The following NOTCH2NLC variants were observed in gnomAD, a reference collection of about 807,000 sequenced individuals.
NOTCH2NLC encodes the protein notch homolog 2 N-terminal-like protein C.
In NOTCH2NLC, 4 loss-of-function variants were observed where a neutral mutation model predicts 17.7. That is an observed-to-expected ratio of 0.23 (90% CI 0.11 to 0.52). The LOEUF (loss-of-function observed/expected upper bound fraction) is 0.52. Among genes scored for constraint, NOTCH2NLC ranks in the 20% least tolerant of loss-of-function variants. NOTCH2NLC has a pLI of 0.96. For synonymous variants in NOTCH2NLC, 18 were observed against 86.0 expected (o/e 0.21, Z 4.38); for missense variants, 57 against 207.2 (o/e 0.28, Z 4.45).
In NOTCH2NLC at chr1:149,462,997, A is replaced by G. The variant is rs1442228434; in HGVS notation, c.470-494A>G. On this transcript the variant is annotated intron_variant, in intron 3 of 4. Coordinates refer to ENST00000650865, the MANE Select transcript of NOTCH2NLC (RefSeq NM_001364013.2). ...ATTACAGGTGCGCGCCACCATGCCC[A>G]GCTAATTTTTGTATTTTTAGTAGAG... is the stretch of plus-strand genomic sequence containing the variant. Among the ~76,000 whole-genome samples, 1,026 of 146,788 alleles carry G rather than the reference A, an allele frequency of 7.0e-3. 18 individuals are homozygous for G. Among genetic ancestry groups the G allele is most frequent in the Non-Finnish European group, 0.011 (727 of 65,644 alleles).
chr1:149,460,190 G>A (rs1423503401), intron 3 of NOTCH2NLC, among the ~76,000 whole-genome samples: 1 of 144,102 alleles, frequency 6.9e-6, no homozygotes, highest in Admixed American at 6.9e-5. Context: ...GGCAAAGTAG[G>A]GGGGCATATA....
rs1485038079 is a variant in NOTCH2NLC at position 149,471,638 on chromosome 1, G to T, written c.*7485G>T. The stretch of plus-strand genomic sequence containing the variant: ...ACTGCAAGAAGTGGGGAATTGGAGA[G>T]TGACTGCCCATAGGTACAGGCATGC... On this transcript the variant is annotated 3_prime_UTR_variant, in exon 5 of 5. Transcript: ENST00000650865. Among the ~76,000 whole-genome samples, 1 of 149,864 alleles carries T rather than the reference G, an allele frequency of 6.7e-6. No individual in the cohort carries two copies. Among genetic ancestry groups the T allele is most frequent in the Non-Finnish European group, 1.5e-5 (1 of 67,254 alleles).
chr1:149,425,283 G>A (rs1450465001), intron 1 of NOTCH2NLC, among the ~76,000 whole-genome samples: 2 of 149,962 alleles, frequency 1.3e-5, no homozygotes, highest in Non-Finnish European at 3.0e-5. Context: ...GCCCTGTGAG[G>A]ACCAGAACCC....
At chr1:149,462,869 T>A (rs2084657930) in intron 3 of NOTCH2NLC, among the ~76,000 whole-genome samples, 1 of 137,708 alleles carries the variant, frequency 7.3e-6, no homozygotes, top group Non-Finnish European at 1.6e-5. Context: ...GGAGTCTTGC[T>A]GTGTTGCCCA....
At chr1:149,450,109 T>TATAAAA (rs2084583243) in intron 2 of NOTCH2NLC, among the ~76,000 whole-genome samples, 1 of 144,930 alleles carries the variant, frequency 6.9e-6, no homozygotes, top group Non-Finnish European at 1.5e-5. Context: ...TATGTGGGCA[T>TATAAAA]ATGTTTTCAG....
At chr1:149,399,979 T>C in intron 1 of NOTCH2NLC, among the ~76,000 whole-genome samples, 1 of 149,830 alleles carries the variant, frequency 6.7e-6, no homozygotes, top group Non-Finnish European at 1.5e-5. Context: ...GTAATTATGT[T>C]TGAAAAAGTA....
rs1160053222 is a variant in NOTCH2NLC, at chr1:149,471,298, T to G, written c.*7145T>G. Among the ~76,000 whole-genome samples the G allele has an allele frequency of 5.3e-5, 8 of 150,938 alleles. No individual in the cohort carries two copies. The highest frequency in any genetic ancestry group is 1.9e-4 in the African/African-American group (8 of 41,142). Reference sequence around the variant, plus strand: ...CTGTCTTTTCACATTCTTGATGATATACTTTTCAGCCCAAATGTTTTTAAC... The same window carrying G: ...CTGTCTTTTCACATTCTTGATGATAGACTTTTCAGCCCAAATGTTTTTAAC... On this transcript the variant is annotated 3_prime_UTR_variant, in exon 5 of 5. Coordinates refer to ENST00000650865, the MANE Select transcript of NOTCH2NLC (RefSeq NM_001364013.2).
intron 1 of NOTCH2NLC, among the ~76,000 whole-genome samples, chr1:149,395,544 C>T (rs1273866605): frequency 1.3e-5 from 2 of 150,712 alleles, no homozygotes; most frequent in South Asian, 4.2e-4. Flanking sequence ...TGCCACCCAC[C>T]CCCTGCCTCT....
intron 1 of NOTCH2NLC, among the ~76,000 whole-genome samples, chr1:149,400,132 A>ATATATATATATATAT (rs1464101913): frequency 1.0e-4 from 13 of 124,988 alleles, no homozygotes; most frequent in Non-Finnish European, 1.7e-4. Flanking sequence ...ATATATATAT[A>ATATATATATATATAT]ATATATATTT....
chr1:149,431,060 G>A, intron 2 of NOTCH2NLC, 45 bp downstream of exon 2: 1 of 237,448 alleles, frequency 4.2e-6, no homozygotes, highest in South Asian at 2.7e-5. Context: ...ATAGAACACT[G>A]GACAAGATTT....
chr1:149,434,446 TA>T (rs1392214138), intron 2 of NOTCH2NLC, among the ~76,000 whole-genome samples: 1 of 148,316 alleles, frequency 6.7e-6, no homozygotes, highest in Non-Finnish European at 1.5e-5. Context: ...AAATAGAAAA[TA>T]AATATTAAAA....
At chr1:149,449,103 G>A (rs1426215424) in intron 2 of NOTCH2NLC, among the ~76,000 whole-genome samples, 4 of 149,688 alleles carry the variant, frequency 2.7e-5, no homozygotes, top group Non-Finnish European at 6.0e-5. Flanking sequence ...GGATGGTCTC[G>A]ATCTCCTGAC....
rs1437950625 is a variant in NOTCH2NLC, at chr1:149,424,417, A to G, written c.136-6525A>G. Among the ~76,000 whole-genome samples the G allele has an allele frequency of 2.3e-3, 347 of 149,982 alleles. 3 individuals carry two copies. The highest frequency in any genetic ancestry group is 8.2e-3 in the African/African-American group (336 of 40,834). ...GTTAGGTCACATTCTCTCTGCCCCT[A>G]CTCCCAACTTCTCATTAGATTGTAA... On this transcript the variant is annotated intron_variant, in intron 1 of 4. Transcript: ENST00000650865.
At chr1:149,392,840 G>A (rs2084180251) in intron 1 of NOTCH2NLC, among the ~76,000 whole-genome samples, 2 of 151,044 alleles carry the variant, frequency 1.3e-5, no homozygotes, top group African/African-American at 4.9e-5. Flanking sequence ...GGGAGGCCGA[G>A]GCGGGCGGAT....
At chr1:149,460,877 T>C (rs1185679553) in intron 3 of NOTCH2NLC, among the ~76,000 whole-genome samples, 2 of 119,564 alleles carry the variant, frequency 1.7e-5, no homozygotes, top group Non-Finnish European at 3.8e-5. Flanking sequence ...CTTTCTTTCT[T>C]TCTTTCTTTC....
intron 3 of NOTCH2NLC, among the ~76,000 whole-genome samples, chr1:149,460,877 TTCTTTCTTTCTTTC>T (rs1461911726): frequency 8.4e-6 from 1 of 119,564 alleles, no homozygotes; most frequent in East Asian, 2.4e-4. Context: ...CTTTCTTTCT[TTCTTTCTTTCTTTC>T]TTTCTTTCTT....
chr1:149,401,852 G>C (rs1360629253), intron 1 of NOTCH2NLC, among the ~76,000 whole-genome samples: 3 of 96,316 alleles, frequency 3.1e-5, no homozygotes, highest in African/African-American at 1.2e-4. Flanking sequence ...GATATTGTTT[G>C]GAAGGACCAG....
At chr1:149,454,666 A>G (rs2084606874) in intron 2 of NOTCH2NLC, among the ~76,000 whole-genome samples, 1 of 151,188 alleles carries the variant, frequency 6.6e-6, no homozygotes, top group East Asian at 2.0e-4. Context: ...AGATTTTTAA[A>G]TATCCCTTTG....
At position 149,445,015 on chromosome 1, in the gene NOTCH2NLC, C is replaced by T. The variant is rs1489908207; in HGVS notation, c.210-10303C>T. ...AATGGCAAGAAGTAGTATGACAGAGCTTCTTCTCTTTTTTTCCCCTCTTTA... is the reference window on the plus strand; with the variant it reads ...AATGGCAAGAAGTAGTATGACAGAGTTTCTTCTCTTTTTTTCCCCTCTTTA... On this transcript the variant is annotated intron_variant, in intron 2 of 4. Coordinates refer to ENST00000650865, the MANE Select transcript of NOTCH2NLC (RefSeq NM_001364013.2). Among the ~76,000 whole-genome samples, 80 of 147,096 alleles carry T rather than the reference C, an allele frequency of 5.4e-4. 1 individual carries two copies. Among genetic ancestry groups the T allele is most frequent in the Non-Finnish European group, 9.6e-4 (64 of 66,562 alleles).
Sources: allele counts gnomAD v4.1 joint callset (sites outside exome capture counted in the v4.1 genomes callset), GRCh38; gene constraint gnomAD v4.1.1; transcripts MANE v1.5; gene names NCBI Gene and HGNC (gene_info 2026-07-23, HGNC 2026-07-21).